The following UNC13C variants were observed in gnomAD, a reference collection of about 807,000 sequenced individuals.
UNC13C encodes unc-13 homolog C.
UNC13C carries 174 observed loss-of-function variants against 245.4 expected under a neutral mutation model. That is an observed-to-expected ratio of 0.71 (90% CI 0.63 to 0.80). The LOEUF is 0.80. Among genes scored for constraint, UNC13C ranks in the 30% least tolerant of loss-of-function variants. The pLI, the probability that UNC13C is intolerant of heterozygous loss-of-function variation, is 0.00. For missense variants in UNC13C, 2,829 were observed against 2,602.9 expected (o/e 1.09, Z -1.89); for synonymous variants, 992 against 895.1 (o/e 1.11, Z -1.93).
chr15:53,862,817 CT>C, the UNC13C span, among the ~76,000 whole-genome samples: 1 of 152,078 alleles, frequency 6.6e-6, no homozygotes, highest in Admixed American at 6.6e-5. Flanking sequence ...AGTAACATCA[CT>C]TTTTAGGTTA....
At chr15:54,428,006 T>C (rs2040794414) in intron 19 of UNC13C, among the ~76,000 whole-genome samples, 1 of 151,820 alleles carries the variant, frequency 6.6e-6, no homozygotes, top group South Asian at 2.1e-4. Flanking sequence ...CAGAATAATT[T>C]TCTTCTTTGA....
intron 4 of UNC13C, among the ~76,000 whole-genome samples, chr15:54,205,657 C>G (rs1261793009): frequency 6.6e-6 from 1 of 151,944 alleles, no homozygotes; most frequent in Non-Finnish European, 1.5e-5. Flanking sequence ...AAAACAGGCC[C>G]CTTTTTTCTA....
chr15:54,048,989 C>A, intron 2 of UNC13C: 1 of 372,366 alleles, frequency 2.7e-6, no homozygotes, highest in South Asian at 2.4e-5. Context: ...AAGTATGCAC[C>A]ATTGTTCCAA....
chr15:54,546,417 A>G (rs562666356), intron 26 of UNC13C, among the ~76,000 whole-genome samples: 21 of 152,250 alleles, frequency 1.4e-4, no homozygotes, highest in Non-Finnish European at 2.8e-4. Flanking sequence ...GTGTATACCT[A>G]TGTAACAAAC....
intron 2 of UNC13C, among the ~76,000 whole-genome samples, chr15:54,032,873 G>C (rs561374172): frequency 1.3e-5 from 2 of 152,194 alleles, no homozygotes; most frequent in African/African-American, 2.4e-5. Context: ...TCTAAGTGAA[G>C]TAACTCAGGA....
chr15:54,050,915 T>C, intron 2 of UNC13C: 1 of 549,060 alleles, frequency 1.8e-6, no homozygotes, highest in East Asian at 5.0e-5. Flanking sequence ...TGCCACTTGA[T>C]TGTATTTACT....
At chr15:54,193,287 T>C (rs1467988684) in intron 4 of UNC13C, among the ~76,000 whole-genome samples, 1 of 152,204 alleles carries the variant, frequency 6.6e-6, no homozygotes, top group African/African-American at 2.4e-5. Context: ...TGGTCACTTA[T>C]GACCATGTGA....
chr15:54,337,499 G>A (rs376305178), intron 16 of UNC13C, among the ~76,000 whole-genome samples: 2 of 152,064 alleles, frequency 1.3e-5, no homozygotes, highest in East Asian at 3.9e-4. Flanking sequence ...AGTTGCTCAG[G>A]CTAAAATATT....
At chr15:53,873,840 A>G in the UNC13C span, among the ~76,000 whole-genome samples, 2 of 32,682 alleles carry the variant, frequency 6.1e-5, no homozygotes, top group African/African-American at 2.0e-4. Flanking sequence ...TACTGTGTAC[A>G]ACCAGCATCT....
At chr15:54,130,498 T>G (rs953746208) in intron 2 of UNC13C, among the ~76,000 whole-genome samples, 1 of 152,022 alleles carries the variant, frequency 6.6e-6, no homozygotes, top group African/African-American at 2.4e-5. Flanking sequence ...TTCACCGTGT[T>G]AGCCAGGATG....
intron 4 of UNC13C, among the ~76,000 whole-genome samples, chr15:54,223,266 C>T (rs1048659047): frequency 6.6e-6 from 1 of 151,910 alleles, no homozygotes; most frequent in South Asian, 2.1e-4. Context: ...ATTTGATTTT[C>T]GTATACGGTG....
At chr15:54,023,256 A>G (rs967997146) in intron 2 of UNC13C, among the ~76,000 whole-genome samples, 1 of 152,166 alleles carries the variant, frequency 6.6e-6, no homozygotes, top group African/African-American at 2.4e-5. Context: ...GTTGACTCCT[A>G]TTGTGCCTTG....
At chr15:54,516,471 G>A (rs567434414) in intron 24 of UNC13C, among the ~76,000 whole-genome samples, 10 of 152,246 alleles carry the variant, frequency 6.6e-5, no homozygotes, top group Admixed American at 1.3e-4. Flanking sequence ...CTACTGGTCT[G>A]GGGACCATGC....
At chr15:54,523,557 C>T (rs1474269832) in intron 24 of UNC13C, among the ~76,000 whole-genome samples, 1 of 152,114 alleles carries the variant, frequency 6.6e-6, no homozygotes, top group African/African-American at 2.4e-5. Flanking sequence ...ATCTATTCAC[C>T]AAATACCTAA....
intron 4 of UNC13C, among the ~76,000 whole-genome samples, chr15:54,201,972 G>C (rs1179086058): frequency 6.6e-6 from 1 of 151,930 alleles, no homozygotes; most frequent in Non-Finnish European, 1.5e-5. Flanking sequence ...GAAGTTTCAG[G>C]ATATAAAATC....
the UNC13C span, among the ~76,000 whole-genome samples, chr15:53,953,073 A>G: frequency 6.6e-6 from 1 of 152,214 alleles, no homozygotes; most frequent in Non-Finnish European, 1.5e-5. Context: ...GCACCTCACA[A>G]CAGCTGCTTT....
intron 14 of UNC13C, among the ~76,000 whole-genome samples, chr15:54,327,392 T>G (rs944166689): frequency 3.3e-5 from 5 of 150,700 alleles, no homozygotes; most frequent in African/African-American, 4.9e-5. Context: ...TTTTTATAAT[T>G]TTTTTTTTTA....
the UNC13C span, among the ~76,000 whole-genome samples, chr15:53,951,760 G>A: frequency 6.6e-6 from 1 of 152,046 alleles, no homozygotes; most frequent in African/African-American, 2.4e-5. Flanking sequence ...ATAATACAGC[G>A]CTGAAATGGG....
intron 2 of UNC13C, among the ~76,000 whole-genome samples, chr15:54,038,266 G>A (rs1234161831): frequency 6.6e-6 from 1 of 150,678 alleles, no homozygotes; most frequent in Non-Finnish European, 1.5e-5. Context: ...GCAGTAGCTG[G>A]GATTACTGGC....
Sources: gnomAD v4.1 joint callset for allele counts (sites outside exome capture counted in the v4.1 genomes callset) on GRCh38, gnomAD v4.1.1 for gene constraint, MANE v1.5 for transcripts, NCBI Gene and HGNC (gene_info 2026-07-23, HGNC 2026-07-21) for gene names.